GPC5: variants seen among roughly 807,000 people sequenced by gnomAD.
The protein encoded by GPC5 is glypican 5, also known as glypican-5.
In GPC5, 47 loss-of-function variants were observed where a neutral mutation model predicts 53.9. That is an observed-to-expected ratio of 0.87 (90% CI 0.69 to 1.11). GPC5 has a LOEUF of 1.11. GPC5 is among the 50% of genes most tolerant of loss of function. The pLI is 0.00. For synonymous variants in GPC5, 286 were observed against 263.3 expected (o/e 1.09, Z -0.84); for missense variants, 748 against 713.1 (o/e 1.05, Z -0.56).
At chr13:92,467,687 C>T (rs1345213569) in intron 7 of GPC5, among the ~76,000 whole-genome samples, 2 of 152,098 alleles carry the variant, frequency 1.3e-5, no homozygotes, top group East Asian at 3.9e-4. Flanking sequence ...AACACTCTGA[C>T]TCTAGAGTCG....
At chr13:92,322,248 A>G (rs1037181740) in intron 7 of GPC5, among the ~76,000 whole-genome samples, 2 of 150,346 alleles carry the variant, frequency 1.3e-5, no homozygotes, top group African/African-American at 5.0e-5. Context: ...TGAGCAAGCA[A>G]GTAACCAAGT....
chr13:91,496,049 T>C (rs988530791), intron 2 of GPC5, among the ~76,000 whole-genome samples: 2 of 151,390 alleles, frequency 1.3e-5, no homozygotes, highest in Non-Finnish European at 2.9e-5. Flanking sequence ...AAAAAATAAA[T>C]AAAAAATAAA....
At chr13:92,549,445 G>A (rs74436936) in intron 7 of GPC5, among the ~76,000 whole-genome samples, 5,186 of 152,112 alleles carry the variant, frequency 0.034, 248 homozygotes, top group African/African-American at 0.1. Context: ...CTACCTCTTT[G>A]CAAGCTGTTC....
intron 7 of GPC5, among the ~76,000 whole-genome samples, chr13:92,393,342 G>A (rs1427879584): frequency 2.6e-5 from 4 of 152,120 alleles, no homozygotes; most frequent in African/African-American, 9.7e-5. Flanking sequence ...ATAAATGGGA[G>A]CTAAATAATA....
At chr13:91,621,518 C>T (rs1012282114) in intron 2 of GPC5, among the ~76,000 whole-genome samples, 1 of 151,900 alleles carries the variant, frequency 6.6e-6, no homozygotes, top group African/African-American at 2.4e-5. Context: ...AGCTCTCTTT[C>T]CCTGGATATG....
chr13:91,818,946 A>T (rs531380229), intron 5 of GPC5, among the ~76,000 whole-genome samples: 1 of 152,140 alleles, frequency 6.6e-6, no homozygotes, highest in South Asian at 2.1e-4. Context: ...TATGACACAC[A>T]GTGTAAAACA....
intron 7 of GPC5, among the ~76,000 whole-genome samples, chr13:92,311,619 C>T (rs2043145691): frequency 6.6e-6 from 1 of 152,176 alleles, no homozygotes; most frequent in Non-Finnish European, 1.5e-5. Flanking sequence ...TCACGTCTTA[C>T]ATGGCAGCAG....
chr13:91,912,597 A>G (rs1040708831), intron 6 of GPC5, among the ~76,000 whole-genome samples: 1 of 152,130 alleles, frequency 6.6e-6, no homozygotes, highest in African/African-American at 2.4e-5. Context: ...TGCTCACCTG[A>G]CCACACAAAA....
intron 2 of GPC5, among the ~76,000 whole-genome samples, chr13:91,493,569 A>C (rs4771836): frequency 0.38 from 57,150 of 151,814 alleles, 11,217 homozygotes; most frequent in East Asian, 0.58. Flanking sequence ...TTTTGATTTT[A>C]GACCCCACAA....
chr13:91,759,560 CTCTCCA>C (rs1302442163), intron 5 of GPC5, among the ~76,000 whole-genome samples: 3 of 152,052 alleles, frequency 2.0e-5, no homozygotes, highest in Non-Finnish European at 4.4e-5. Context: ...CATCCTTCTA[CTCTCCA>C]TCTCCATGAA....
At chr13:91,918,593 TTCTG>T (rs2039681811) in intron 6 of GPC5, among the ~76,000 whole-genome samples, 1 of 152,176 alleles carries the variant, frequency 6.6e-6, no homozygotes, top group African/African-American at 2.4e-5. Flanking sequence ...CCCAACACAC[TTCTG>T]TCTGATTGCT....
chr13:91,406,997 A>G (rs1163056945), intron 1 of GPC5, among the ~76,000 whole-genome samples: 1 of 152,224 alleles, frequency 6.6e-6, no homozygotes, highest in Non-Finnish European at 1.5e-5. Context: ...ACTAGACTAT[A>G]GGCTATTTGA....
At chr13:91,480,722 G>T (rs1188975831) in intron 2 of GPC5, among the ~76,000 whole-genome samples, 2 of 152,156 alleles carry the variant, frequency 1.3e-5, no homozygotes, top group East Asian at 3.9e-4. Context: ...GCCCTTGATG[G>T]TTATACCTAT....
intron 1 of GPC5, among the ~76,000 whole-genome samples, chr13:91,442,547 T>G (rs1294821639): frequency 3.3e-5 from 5 of 152,252 alleles, no homozygotes; most frequent in Non-Finnish European, 4.4e-5. Flanking sequence ...CATCTCTTTC[T>G]TTTCCTTATG....
intron 2 of GPC5, among the ~76,000 whole-genome samples, chr13:91,663,126 GTTCTT>G (rs2035024643): frequency 6.6e-6 from 1 of 152,106 alleles, no homozygotes; most frequent in African/African-American, 2.4e-5. Flanking sequence ...GAATACAAAC[GTTCTT>G]GACTTATTCT....
chr13:92,801,731 T>C (rs1275948731), intron 7 of GPC5, among the ~76,000 whole-genome samples: 1 of 151,728 alleles, frequency 6.6e-6, no homozygotes, highest in Non-Finnish European at 1.5e-5. Flanking sequence ...ATGTGCATGT[T>C]TTACATTTTT....
At chr13:92,752,072 A>C (rs1347173800) in intron 7 of GPC5, among the ~76,000 whole-genome samples, 1 of 152,152 alleles carries the variant, frequency 6.6e-6, no homozygotes, top group African/African-American at 2.4e-5. Flanking sequence ...CCTTGAAAAA[A>C]AAAAAAAGCA....
At chr13:92,577,412 ATGTATATGTG>A (rs1357225312) in intron 7 of GPC5, among the ~76,000 whole-genome samples, 5 of 107,294 alleles carry the variant, frequency 4.7e-5, no homozygotes, top group African/African-American at 1.7e-4. Flanking sequence ...GTAAGTATGT[ATGTATATGTG>A]TGTGTGTGTG....
chr13:91,947,519 C>T (rs2039984596), intron 6 of GPC5, among the ~76,000 whole-genome samples: 1 of 152,106 alleles, frequency 6.6e-6, no homozygotes, highest in Non-Finnish European at 1.5e-5. Context: ...TTTTGTTTCA[C>T]CACCCCATTG....
Sources: gnomAD v4.1 joint callset for allele counts (sites outside exome capture counted in the v4.1 genomes callset) on GRCh38, gnomAD v4.1.1 for gene constraint, MANE v1.5 for transcripts, NCBI Gene and HGNC (gene_info 2026-07-23, HGNC 2026-07-21) for gene names.